The following TNRC6B variants were observed in gnomAD, a reference collection of about 807,000 sequenced individuals.
The protein encoded by TNRC6B is trinucleotide repeat containing adaptor 6B, also known as trinucleotide repeat-containing gene 6B protein.
Under a neutral mutation model 203.6 loss-of-function variants are expected in TNRC6B, and 52 were observed. That is an observed-to-expected ratio of 0.26 (90% CI 0.20 to 0.32). The LOEUF is 0.32. TNRC6B is among the 10% of genes least tolerant of loss of function. The pLI, the probability that TNRC6B is intolerant of heterozygous loss-of-function variation, is 1.00. For missense variants in TNRC6B, 1,923 were observed against 2,286.2 expected (o/e 0.84, Z 3.24); for synonymous variants, 838 against 845.7 (o/e 0.99, Z 0.16).
chr22:40,157,950 G>A (rs575369140), intron 4 of TNRC6B, among the ~76,000 whole-genome samples: 14 of 152,230 alleles, frequency 9.2e-5, no homozygotes, highest in African/African-American at 2.4e-4. Context: ...AGATCTTACC[G>A]ACTCTCTCAC....
At chr22:40,299,155 AAAC>A (rs2070987319) in intron 12 of TNRC6B, among the ~76,000 whole-genome samples, 1 of 151,544 alleles carries the variant, frequency 6.6e-6, no homozygotes, top group Non-Finnish European at 1.5e-5. Flanking sequence ...AAAAAAAAAA[AAAC>A]AAAAAAAAAA....
chr22:40,317,262 G>A (rs1322458880), intron 21 of TNRC6B, among the ~76,000 whole-genome samples: 1 of 152,218 alleles, frequency 6.6e-6, no homozygotes, highest in Non-Finnish European at 1.5e-5. Context: ...CAGTGGAAGA[G>A]ATCATTTGAC....
In TNRC6B at chr22:40,264,771, C is replaced by A. The variant is rs752834177; in HGVS notation, c.541C>A (p.Pro181Thr). ...SGASSNNGTS[P>T]NPIHIWDKVI... is the part of the protein sequence containing the mutation. ...AGCCTCCTCCAACAACGGCACCTCC[C>A]CCAACCCAATTCACATCTGGGACAA... The change falls in exon 5 of 23, where the codon CCC becomes ACC. Residue 181 changes from proline to threonine, a missense_variant. Pro to Thr is a conservative substitution (Grantham distance 38). Transcript: ENST00000454349. 1 of 1,613,638 alleles carries A rather than the reference C, an allele frequency of 6.2e-7. No individual in the cohort carries two copies. The highest frequency in any genetic ancestry group is 1.3e-5 in the African/African-American group (1 of 74,910).
intron 4 of TNRC6B, among the ~76,000 whole-genome samples, chr22:40,164,413 T>TTGTTAACA (rs1442691028): frequency 6.6e-6 from 1 of 150,858 alleles, no homozygotes; most frequent in African/African-American, 2.4e-5. Context: ...AAAAAGGGCA[T>TTGTTAACA]TGTTAACATG....
At chr22:40,249,143 T>G (rs1373259614) in intron 2 of TNRC6B, among the ~76,000 whole-genome samples, 1 of 152,192 alleles carries the variant, frequency 6.6e-6, no homozygotes, top group African/African-American at 2.4e-5. Context: ...CTTTCCCCAG[T>G]GCTTTTTGAC....
At chr22:40,100,243 C>G (rs535912146) in intron 1 of TNRC6B, among the ~76,000 whole-genome samples, 1 of 152,058 alleles carries the variant, frequency 6.6e-6, no homozygotes, top group East Asian at 1.9e-4. Context: ...TGTGCCACCA[C>G]ACCCAGCTAA....
At chr22:40,292,994 C>A (rs142228555) in intron 12 of TNRC6B, among the ~76,000 whole-genome samples, 1 of 152,154 alleles carries the variant, frequency 6.6e-6, no homozygotes, top group African/African-American at 2.4e-5. Context: ...GAGCCTCCTT[C>A]TTTTGTTGTG....
chr22:40,204,642 G>T (rs1339323111), intron 1 of TNRC6B, among the ~76,000 whole-genome samples: 1 of 152,202 alleles, frequency 6.6e-6, no homozygotes, highest in Non-Finnish European at 1.5e-5. Context: ...TGATACATGT[G>T]TAACTGACCC....
intron 22 of TNRC6B, chr22:40,321,515 C>A: frequency 3.2e-6 from 1 of 316,798 alleles, no homozygotes; most frequent in East Asian, 5.8e-5. Context: ...GGGCCGGGCA[C>A]AGTGGCCCAT....
At chr22:40,236,919 T>C (rs944827028) in intron 1 of TNRC6B, among the ~76,000 whole-genome samples, 5 of 152,048 alleles carry the variant, frequency 3.3e-5, no homozygotes. Flanking sequence ...AATCCCAACA[T>C]TTTGGGAGGT....
chr22:40,081,307 G>GTT (rs34140652), intron 1 of TNRC6B, among the ~76,000 whole-genome samples: 4,291 of 101,384 alleles, frequency 0.042, 380 homozygotes, highest in East Asian at 0.23. Flanking sequence ...GTGTCTGCGT[G>GTT]TTTTTTTTTT....
intron 1 of TNRC6B, among the ~76,000 whole-genome samples, chr22:40,110,761 A>G (rs1449801676): frequency 6.6e-6 from 1 of 152,050 alleles, no homozygotes; most frequent in Non-Finnish European, 1.5e-5. Context: ...AGTTTCCTTC[A>G]CTGCTTCTCC....
At chr22:40,237,447 C>T (rs1269397596) in intron 1 of TNRC6B, among the ~76,000 whole-genome samples, 4 of 152,190 alleles carry the variant, frequency 2.6e-5, no homozygotes, top group Admixed American at 6.5e-5. Context: ...TGGTGCCTGG[C>T]ATCAAGTGAG....
chr22:40,206,779 G>A (rs1430500406), intron 1 of TNRC6B, among the ~76,000 whole-genome samples: 3 of 152,102 alleles, frequency 2.0e-5, no homozygotes, highest in Non-Finnish European at 4.4e-5. Flanking sequence ...GCTCTGTGGC[G>A]GAACTGGCCT....
rs2044018872 is a variant in TNRC6B at position 40,335,111 on chromosome 22, A to G, written c.*11870A>G. 2 of 147,468 alleles carry G rather than the reference A, an allele frequency of 1.4e-5. No individual in the cohort carries two copies. The highest frequency in any genetic ancestry group is 1.3e-4 in the Admixed American group (2 of 14,842). The allele number at this position is 147,468 out of a possible 1,614,324, so 9.1% of individuals were successfully genotyped here. On this transcript the variant is annotated 3_prime_UTR_variant, in exon 23 of 23. Transcript: ENST00000454349. ...CTTTGATGGGCAATAGAGGAAGTAG[A>G]TAATGGGATTTAAGGACGCCTGGGG...
intron 11 of TNRC6B, 110 bp from the exon 12 acceptor site, chr22:40,285,535 C>A (rs1226972053): frequency 7.6e-7 from 1 of 1,311,838 alleles, no homozygotes; most frequent in Non-Finnish European, 1.0e-6. Flanking sequence ...TCTGTTATTC[C>A]ATCGAACACA....
At chr22:40,155,884 T>C (rs1416307492) in intron 3 of TNRC6B, among the ~76,000 whole-genome samples, 1 of 152,238 alleles carries the variant, frequency 6.6e-6, no homozygotes, top group Admixed American at 6.5e-5. Flanking sequence ...TTCTTTTATA[T>C]TCTAGATGCT....
At chr22:40,054,333 C>T (rs894105136) in intron 1 of TNRC6B, among the ~76,000 whole-genome samples, 1 of 152,202 alleles carries the variant, frequency 6.6e-6, no homozygotes, top group Non-Finnish European at 1.5e-5. Flanking sequence ...TCTTTTCCTA[C>T]TGTCTTCCCC....
rs1288406742 is a variant in TNRC6B, at chr22:40,220,184, A to G, written c.6-25831A>G. Among the ~76,000 whole-genome samples, 18 of 152,222 alleles carry G rather than the reference A, an allele frequency of 1.2e-4. 1 individual carries two copies. The highest frequency in any genetic ancestry group is 9.8e-4 in the Admixed American group (15 of 15,290). On this transcript the variant is annotated intron_variant, in intron 1 of 22. Transcript: ENST00000454349. ...CTGTGGCTTCCCGAGCTCTGAATCT[A>G]TACTGCTTACTCTGGGCTTATGGAG...
Sources: allele counts gnomAD v4.1 joint callset (sites outside exome capture counted in the v4.1 genomes callset), GRCh38; gene constraint gnomAD v4.1.1; transcripts MANE v1.5; gene names NCBI Gene and HGNC (gene_info 2026-07-23, HGNC 2026-07-21).